PHF12: variants seen among roughly 807,000 people sequenced by gnomAD.
PHF12 encodes the protein PHD factor 1.
A neutral mutation model predicts 99.8 loss-of-function variants in PHF12; 6 were observed. The ratio of observed to expected loss-of-function variants is 0.06; its 90% CI spans 0.03 to 0.12. PHF12 has a LOEUF of 0.12. Ranked by LOEUF, PHF12 falls within the 10% of genes least tolerant of loss-of-function variation. PHF12 has a pLI of 1.00. For synonymous variants in PHF12, 480 were observed against 514.9 expected (o/e 0.93, Z 0.92); for missense variants, 954 against 1,300.1 (o/e 0.73, Z 4.09).
At position 28,912,963 on chromosome 17, in the gene PHF12, A is replaced by C. The variant is rs2039992721; in HGVS notation, c.1608T>G (p.Thr536=). 1 of 1,614,108 alleles carries C rather than the reference A, an allele frequency of 6.2e-7. No individual in the cohort carries two copies. The highest frequency in any genetic ancestry group is 1.3e-5 in the African/African-American group (1 of 74,932). The part of the protein sequence containing the change: ...AEKSKKTPCG[T]ANGPVNTEVK... ...CCTCTGTGTTCACTGGCCCATTGGC[A>C]GTCCCACAAGGGGTTTTCTTGGATT... Residue 536 remains threonine (T), a synonymous_variant, in exon 9 of 15, where the codon ACT becomes ACG. Transcript: ENST00000332830.
intron 5 of PHF12, 55 bp downstream of exon 5, chr17:28,921,633 A>T: frequency 1.3e-6 from 2 of 1,591,148 alleles, no homozygotes; most frequent in South Asian, 1.1e-5. Context: ...TGATGAGAGA[A>T]AAAGTATCAT....
chr17:28,910,304 G>A lies in PHF12; in HGVS notation c.2281C>T (p.Leu761Phe). The change falls in exon 11 of 15, where the codon CTT becomes TTT. Residue 761 changes from leucine (L) to phenylalanine (F), a missense_variant. By Grantham distance (22) the Leu-to-Phe change is conservative (BLOSUM62 0). This residue lies in a region of PHF12 where 143 missense variants were observed against 191.8 expected (regional missense o/e 0.75). Coordinates refer to ENST00000332830, the MANE Select transcript of PHF12 (RefSeq NM_001033561.2). ...GAAGGTTGGACCCGGGAGGGGAAAAGCTGATGTATTCTCTGCAAGGCCAGA... is the reference window on the plus strand; with the variant it reads ...GAAGGTTGGACCCGGGAGGGGAAAAACTGATGTATTCTCTGCAAGGCCAGA... ...KFLALQRIHQ[L>F]FPSRVQPSPG... 6.2e-7 allele frequency: 1 copy of A among 1,614,212 alleles called. No individual in the cohort carries two copies. Among genetic ancestry groups the A allele is most frequent in the South Asian group, 1.1e-5 (1 of 91,086 alleles).
At chr17:28,929,261 A>C (rs1273409736) in intron 2 of PHF12, among the ~76,000 whole-genome samples, 3 of 148,152 alleles carry the variant, frequency 2.0e-5, no homozygotes, top group African/African-American at 7.4e-5. Context: ...TTTTTTTTTG[A>C]GATGGAGTTT....
Position 28,911,187 on chromosome 17 carries a change from G to A in PHF12, c.2140C>T (p.Pro714Ser), listed in dbSNP as rs2039953603. The A allele has an allele frequency of 6.2e-7, 1 of 1,614,190 alleles. No individual in the cohort carries two copies. Among genetic ancestry groups the A allele is most frequent in the African/African-American group, 1.3e-5 (1 of 75,050 alleles). The change falls in exon 10 of 15, where the codon CCC (proline) becomes TCC (serine). Residue 714 changes from proline to serine, a missense_variant. Pro to Ser is a moderately conservative substitution (Grantham distance 74). This residue lies in a region of PHF12 where 143 missense variants were observed against 191.8 expected (regional missense o/e 0.75). Coordinates refer to ENST00000332830, the MANE Select transcript of PHF12 (RefSeq NM_001033561.2). The stretch of plus-strand genomic sequence containing the variant: ...GCAGTAGAGTTGGCTGGGAAAGAGG[G>A]TACGGTTAAAGCGCTTCCTATGGAT... The part of the protein sequence containing the change: ...TLSIGSALTV[P>S]SFPANSTAMV...
At chr17:28,940,307 G>C (rs1453240510) in intron 2 of PHF12, among the ~76,000 whole-genome samples, 1 of 152,218 alleles carries the variant, frequency 6.6e-6, no homozygotes, top group Non-Finnish European at 1.5e-5. Context: ...AGAGGAAATG[G>C]GTCAGCCTCC....
Position 28,906,384 on chromosome 17 carries a change from C to T in PHF12, c.2814G>A (p.Gly938=). The change falls in exon 15 of 15, where the codon GGG becomes GGA. Residue 938 remains glycine (G), a synonymous_variant. Transcript: ENST00000332830. This position sits in a 1 kb window ranked among gnomAD's most constrained non-coding sequence, Gnocchi z 4.2. ...GTAAGGCTGTGCCCTCCCAGCCGGC[C>T]CCACTGCCCCCAATCAAGCTCGAGC... ...ASSSSLIGGS[G]AGWEGTALLH... 6.2e-7 allele frequency: 1 copy of T among 1,614,254 alleles called. No individual in the cohort carries two copies.
chr17:28,923,856 G>T, intron 4 of PHF12, 53 bp downstream of exon 4: 1 of 1,547,126 alleles, frequency 6.5e-7, no homozygotes, highest in South Asian at 1.3e-5. Flanking sequence ...CTCTTGTGCT[G>T]GTCCTTTGGG....
chr17:28,951,404 G>A lies in PHF12; in HGVS notation c.-444C>T, dbSNP rs1163388164. 1.3e-5 allele frequency: 13 copies of A among 987,950 alleles called. No homozygotes were observed. Among genetic ancestry groups the A allele is most frequent in the Non-Finnish European group, 1.6e-5 (13 of 831,600 alleles). 61.2% of individuals were successfully genotyped at this position (987,950 alleles called of 1,614,324 possible). A position where few individuals can be genotyped will look rare whatever the true frequency, so the allele number is the denominator to read the frequency against. On this transcript the variant is annotated 5_prime_UTR_variant, in exon 1 of 15. Transcript: ENST00000332830. ...GAGGGTGATGGGGGGTGGTCCCCGGGCTCCGCCTCTCGCCGCCGCCGCCGT... is the reference window on the plus strand; with the variant it reads ...GAGGGTGATGGGGGGTGGTCCCCGGACTCCGCCTCTCGCCGCCGCCGCCGT...
intron 12 of PHF12, chr17:28,908,384 G>A: frequency 5.3e-6 from 1 of 188,820 alleles, no homozygotes. Flanking sequence ...GAGTGCAGAG[G>A]CACAAAAAGG....
rs1333348809 is a variant in PHF12, at chr17:28,908,794, T to C, written c.2447A>G (p.Tyr816Cys). The change falls in exon 12 of 15, where the codon TAC becomes TGC. Residue 816 changes from tyrosine to cysteine, a missense_variant. Physicochemically the swap from Tyr to Cys is radical, Grantham distance 194. Transcript: ENST00000332830. ...GAVNMCYRTLYIGTGADMDVC... is the reference protein window; with the variant it reads ...GAVNMCYRTLCIGTGADMDVC... ...CCTGGCTGGCTCACCTGTCCCGATG[T>C]AGAGGGTTCGATAGCACATGTTCAC... 1.2e-6 allele frequency: 2 copies of C among 1,613,766 alleles called. No homozygotes were observed. Among genetic ancestry groups the C allele is most frequent in the Non-Finnish European group, 8.5e-7 (1 of 1,179,924 alleles).
At position 28,949,338 on chromosome 17, in the gene PHF12, C is replaced by G. The variant is rs2040768574; in HGVS notation, c.248+727G>C. Among the ~76,000 whole-genome samples the G allele has an allele frequency of 6.6e-6, 1 of 152,088 alleles. No individual in the cohort carries two copies. Among genetic ancestry groups the G allele is most frequent in the African/African-American group, 2.4e-5 (1 of 41,414 alleles). ...GAAGAGGGAGGAGGAAGGAAGGCAG[C>G]TCTGAGAGGCAACAGGGGGCAAGCG... On this transcript the variant is annotated intron_variant, in intron 2 of 14. Transcript: ENST00000332830. The surrounding 1 kb of genome is among the most constrained non-coding windows in gnomAD (Gnocchi z 4.6).
rs1283690803 is a variant in PHF12, at chr17:28,906,268, C to G, written c.2930G>C (p.Ser977Thr). The G allele has an allele frequency of 1.2e-6, 2 of 1,613,924 alleles. No individual in the cohort carries two copies. The highest frequency in any genetic ancestry group is 1.7e-6 in the Non-Finnish European group (2 of 1,179,776). ...FATKQPKGDASLLQDGVLAEK... is the reference protein window; with the variant it reads ...FATKQPKGDATLLQDGVLAEK... ...GGCCAAGACCCCATCCTGCAGCAGGCTGGCATCGCCTTTGGGCTGTTTGGT... is the reference window on the plus strand; with the variant it reads ...GGCCAAGACCCCATCCTGCAGCAGGGTGGCATCGCCTTTGGGCTGTTTGGT... Residue 977 changes from serine (S) to threonine (T), a missense_variant, in exon 15 of 15, where the codon AGC becomes ACC. By Grantham distance (58) the Ser-to-Thr change is moderately conservative. Coordinates refer to ENST00000332830, the MANE Select transcript of PHF12 (RefSeq NM_001033561.2). The surrounding 1 kb of genome is among the most constrained non-coding windows in gnomAD (Gnocchi z 4.2).
intron 2 of PHF12, among the ~76,000 whole-genome samples, chr17:28,931,118 A>G (rs1230095188): frequency 6.6e-6 from 1 of 152,168 alleles, no homozygotes; most frequent in African/African-American, 2.4e-5. Flanking sequence ...AGAACTCTAG[A>G]TAATGACCAC....
chr17:28,946,151 C>T (rs2152679577), intron 2 of PHF12, among the ~76,000 whole-genome samples: 1 of 152,192 alleles, frequency 6.6e-6, no homozygotes, highest in Admixed American at 6.5e-5. Context: ...AAAACAAAAA[C>T]ACCACACACA....
intron 2 of PHF12, among the ~76,000 whole-genome samples, chr17:28,932,479 GA>G (rs1464834326): frequency 6.6e-6 from 1 of 152,164 alleles, no homozygotes; most frequent in African/African-American, 2.4e-5. Context: ...ATGGTTCCAG[GA>G]AAGACACTGT....
intron 2 of PHF12, among the ~76,000 whole-genome samples, chr17:28,932,079 G>A (rs1298021204): frequency 6.6e-6 from 1 of 152,114 alleles, no homozygotes; most frequent in African/African-American, 2.4e-5. Context: ...TTTCCTCTCT[G>A]CTTCAAGCAA....
chr17:28,919,115 A>G (rs559063254), intron 6 of PHF12, 28 bp downstream of exon 6: 1 of 1,601,794 alleles, frequency 6.2e-7, no homozygotes, highest in African/African-American at 1.3e-5. Context: ...ATGCCCATTG[A>G]GGACTGAATG....
chr17:28,910,479 G>C, intron 10 of PHF12, 110 bp from the exon 11 acceptor site: 2 of 1,307,834 alleles, frequency 1.5e-6, no homozygotes, highest in Non-Finnish European at 1.0e-6. Context: ...CCAGCCAAGT[G>C]ATTTTTACTC....
At position 28,911,208 on chromosome 17, in the gene PHF12, T is replaced by C. The variant is rs773773350; in HGVS notation, c.2119A>G (p.Ile707Val). ...DGKVSPGTLSIGSALTVPSFP... is the reference protein window; with the variant it reads ...DGKVSPGTLSVGSALTVPSFP... ...GAGGGTACGGTTAAAGCGCTTCCTA[T>C]GGATAACGTGCCGGGGCTGACCTTG... Residue 707 changes from isoleucine (I) to valine (V), a missense_variant, in exon 10 of 15, where the codon ATA (isoleucine) becomes GTA (valine). Ile to Val is a conservative substitution (Grantham distance 29). Around this residue, in one of 8 missense-constraint regions of PHF12, gnomAD observed 143 missense variants for 191.8 expected, o/e 0.75. Coordinates refer to ENST00000332830, the MANE Select transcript of PHF12 (RefSeq NM_001033561.2). 11 of 1,613,966 alleles carry C rather than the reference T, an allele frequency of 6.8e-6. No individual in the cohort carries two copies. Among genetic ancestry groups the C allele is most frequent in the South Asian group, 3.3e-5 (3 of 91,082 alleles).
Sources: allele counts gnomAD v4.1 joint callset (sites outside exome capture counted in the v4.1 genomes callset), GRCh38; gene constraint gnomAD v4.1.1; regional missense constraint gnomAD v4.1.1; non-coding constraint Gnocchi (gnomAD v3.1); transcripts MANE v1.5; gene names NCBI Gene and HGNC (gene_info 2026-07-23, HGNC 2026-07-21).